MYO7A: variants seen among roughly 807,000 people sequenced by gnomAD.
MYO7A encodes the protein myosin VIIA, also known as unconventional myosin-VIIa.
In MYO7A, 210 loss-of-function variants were observed where a neutral mutation model predicts 263.8. The observed-to-expected ratio is 0.80, with a 90% CI of 0.71 to 0.89. The LOEUF (loss-of-function observed/expected upper bound fraction) is 0.89. Among genes scored for constraint, MYO7A ranks in the 40% least tolerant of loss-of-function variants. MYO7A has a pLI of 0.00. For missense variants in MYO7A, 2,820 were observed against 2,968.3 expected, an observed-to-expected ratio of 0.95 and a Z score of 1.16; for synonymous variants, 1,239 against 1,197.3, an observed-to-expected ratio of 1.03 and a Z score of -0.72.
At chr11:77,164,720 C>T (rs1053114394) in intron 14 of MYO7A, among the ~76,000 whole-genome samples, 3 of 152,166 alleles carry the variant, frequency 2.0e-5, no homozygotes, top group Non-Finnish European at 4.4e-5. Context: ...CTATTATGTA[C>T]CAGGCTTCAT....
intron 2 of MYO7A, among the ~76,000 whole-genome samples, chr11:77,139,751 C>G (rs1232975369): frequency 1.3e-5 from 2 of 152,150 alleles, no homozygotes; most frequent in East Asian, 3.9e-4. Context: ...TGGCTCTGTC[C>G]TCCAGATGCT....
chr11:77,206,613 C>G (rs1957460849), intron 41 of MYO7A, among the ~76,000 whole-genome samples: 1 of 152,210 alleles, frequency 6.6e-6, no homozygotes, highest in African/African-American at 2.4e-5. Context: ...CCCTTCCTCC[C>G]TCTCCACCTG....
rs150479012 is a variant in MYO7A, at chr11:77,180,162, C to T, written c.2586+209C>T. Among the ~76,000 whole-genome samples the T allele has an allele frequency of 4.2e-3, 647 of 152,344 alleles. 6 individuals are homozygous for T. Among genetic ancestry groups the T allele is most frequent in the African/African-American group, 0.014 (602 of 41,570 alleles). On this transcript the variant is annotated intron_variant, in intron 21 of 48. Coordinates refer to ENST00000409709, the MANE Select transcript of MYO7A (RefSeq NM_000260.4). ...TGGGACCTCAGTCACTCTTGGGAAT[C>T]TCTGGGAGACCGACGCAGATCTGGC...
rs782165016 is a variant in MYO7A at position 77,179,738 on chromosome 11, C to T, written c.2371C>T (p.Arg791Cys). ...HNCRKNYGLM[R>C]LGFLRLQALH... ...CATGGGGTGGCTGTCCTTGCAGATG[C>T]GTCTGGGCTTCCTGCGGCTGCAGGC... Residue 791 changes from arginine to cysteine, a missense_variant, in exon 21 of 49, where the codon CGT becomes TGT. Transcript: ENST00000409709. The T allele has an allele frequency of 3.9e-5, 60 of 1,539,998 alleles. No homozygotes were observed. In the Middle Eastern group the frequency reaches 6.8e-4, roughly 17 times the overall value.
At chr11:77,208,876 C>T in intron 44 of MYO7A, 73 bp downstream of exon 44, 1 of 1,254,784 alleles carries the variant, frequency 8.0e-7, no homozygotes, top group South Asian at 1.3e-5. Flanking sequence ...AAAGCAGAGA[C>T]CCACTGACCT....
intron 40 of MYO7A, 89 bp downstream of exon 40, chr11:77,205,706 C>G: frequency 3.9e-6 from 6 of 1,546,044 alleles, no homozygotes; most frequent in Non-Finnish European, 5.3e-6. Flanking sequence ...GGGATGAGGA[C>G]CACATAGCAG....
intron 14 of MYO7A, among the ~76,000 whole-genome samples, chr11:77,164,336 G>C (rs528544384): frequency 2.7e-5 from 4 of 146,568 alleles, no homozygotes; most frequent in Non-Finnish European, 6.0e-5. Flanking sequence ...ACAGCCTCAA[G>C]GGGTCCCATG....
chr11:77,208,582 G>A (rs1957624297), intron 43 of MYO7A, 65 bp downstream of exon 43: 1 of 1,549,718 alleles, frequency 6.5e-7, no homozygotes, highest in South Asian at 1.2e-5. Context: ...TCGGGGCTGT[G>A]CCGTGAGGCC....
At chr11:77,181,779 G>GTTTTTTTTTTT (rs782689084) in intron 23 of MYO7A, among the ~76,000 whole-genome samples, 172 bp from the exon 24 acceptor site, 17 of 90,054 alleles carry the variant, frequency 1.9e-4, no homozygotes, top group Non-Finnish European at 3.1e-4. Context: ...TTTTTTTTTT[G>GTTTTTTTTTTT]TTTTTTTTTT....
intron 9 of MYO7A, 80 bp from the exon 10 acceptor site, chr11:77,159,367 G>C (rs1555066696): frequency 1.5e-6 from 2 of 1,361,808 alleles, no homozygotes; most frequent in African/African-American, 1.4e-5. Context: ...AGGAGTGGCA[G>C]CCTAGTCCTC....
intron 20 of MYO7A, 23 bp downstream of exon 20, chr11:77,179,152 C>G (rs1057479684): frequency 7.6e-6 from 12 of 1,572,176 alleles, no homozygotes; most frequent in Non-Finnish European, 8.6e-6. Context: ...ATGGGCTGCT[C>G]TTGCCCAAAC....
intron 18 of MYO7A, among the ~76,000 whole-genome samples, chr11:77,175,851 G>A (rs1188667792): frequency 6.6e-6 from 1 of 152,208 alleles, no homozygotes; most frequent in Non-Finnish European, 1.5e-5. Flanking sequence ...GTTCCTTCCT[G>A]TGGTTTCCTG....
At chr11:77,158,854 A>T (rs1280519992) in intron 9 of MYO7A, among the ~76,000 whole-genome samples, 1 of 152,172 alleles carries the variant, frequency 6.6e-6, no homozygotes, top group Non-Finnish European at 1.5e-5. Flanking sequence ...ATTCTTGGAC[A>T]CCCACTATGT....
At chr11:77,209,290 G>A (rs570516366) in intron 44 of MYO7A, 5 of 162,322 alleles carry the variant, frequency 3.1e-5, no homozygotes, top group South Asian at 3.6e-4. Flanking sequence ...GACTCAGGCC[G>A]CGTGCTGTGA....
intron 4 of MYO7A, among the ~76,000 whole-genome samples, chr11:77,148,833 T>C (rs1951767366): frequency 6.6e-6 from 1 of 152,100 alleles, no homozygotes; most frequent in Non-Finnish European, 1.5e-5. Context: ...GTGAGAAGAG[T>C]AGCATTGTTT....
At chr11:77,143,774 G>A (rs1164638510) in intron 3 of MYO7A, among the ~76,000 whole-genome samples, 2 of 152,182 alleles carry the variant, frequency 1.3e-5, no homozygotes, top group South Asian at 2.1e-4. Flanking sequence ...TTAGCCTCCT[G>A]GTCTGAGGGA....
chr11:77,191,629 G>A (rs556872011), intron 30 of MYO7A, among the ~76,000 whole-genome samples: 5 of 152,204 alleles, frequency 3.3e-5, no homozygotes, highest in Admixed American at 6.5e-5. Context: ...GAGCCTCCTC[G>A]GCTGAGCGGG....
intron 44 of MYO7A, among the ~76,000 whole-genome samples, chr11:77,209,981 C>T (rs537593128): frequency 1.3e-5 from 2 of 152,344 alleles, no homozygotes; most frequent in South Asian, 4.1e-4. Context: ...GCCACAGGGC[C>T]TTTGTAATGT....
At position 77,163,112 on chromosome 11, in the gene MYO7A, A is replaced by G. The variant is rs1953172308; in HGVS notation, c.1690+124A>G. 41 of 1,048,170 alleles carry G rather than the reference A, an allele frequency of 3.9e-5. 1 individual carries two copies. In the South Asian group the frequency reaches 7.2e-4, roughly 18 times the overall value. 64.9% of individuals were successfully genotyped at this position (1,048,170 alleles called of 1,614,324 possible). On this transcript the variant is annotated intron_variant, in intron 14 of 48. Transcript: ENST00000409709. ...AAAAATTGTGATTATTCATATATATATATATATGAACTTGACTAAAATGGC... is the reference window on the plus strand; with the variant it reads ...AAAAATTGTGATTATTCATATATATGTATATATGAACTTGACTAAAATGGC...
Sources: gnomAD v4.1 joint callset for allele counts (sites outside exome capture counted in the v4.1 genomes callset) on GRCh38, gnomAD v4.1.1 for gene constraint, MANE v1.5 for transcripts, NCBI Gene and HGNC (gene_info 2026-07-23, HGNC 2026-07-21) for gene names.